The following NFIC variants were observed in gnomAD, a reference collection of about 807,000 sequenced individuals.
NFIC encodes nuclear factor I C, also known as nuclear factor 1 C-type.
Under a neutral mutation model 54.4 loss-of-function variants are expected in NFIC, and 12 were observed. That is an observed-to-expected ratio of 0.22 (90% confidence interval 0.14 to 0.36). NFIC has a LOEUF of 0.36. Among genes scored for constraint, NFIC ranks in the 10% least tolerant of loss-of-function variants. The pLI is 1.00. For synonymous variants in NFIC, 322 were observed against 319.2 expected, an observed-to-expected ratio of 1.01 and a Z score of -0.09; for missense variants, 575 against 718.2, an observed-to-expected ratio of 0.80 and a Z score of 2.28.
chr19:3,408,651 TC>T (rs2081696786), intron 2 of NFIC, among the ~76,000 whole-genome samples: 1 of 152,122 alleles, frequency 6.6e-6, no homozygotes, highest in African/African-American at 2.4e-5. Context: ...AGACGGAGTC[TC>T]ACTCTGTCGC....
At chr19:3,366,179 G>A (rs1190795550), upstream of NFIC, among the ~76,000 whole-genome samples, 1 of 151,760 alleles carries the variant, frequency 6.6e-6, no homozygotes, top group Non-Finnish European at 1.5e-5. Flanking sequence ...GATCCGAATT[G>A]GGGTCGCCCT....
rs922384936 is a variant in NFIC, at chr19:3,463,548, G to C, written c.*779G>C. 2 of 984,722 alleles carry C rather than the reference G, an allele frequency of 2.0e-6. No homozygotes were observed. The highest frequency in any genetic ancestry group is 6.2e-5 in the Admixed American group (1 of 16,226). The allele number at this position is 984,722 out of a possible 1,614,324, so 61.0% of individuals were successfully genotyped here. ...CTCCCAAAGCGCCGGCCGACTCGCT[G>C]TCTCGCTGGGGACTCTTTCAGCCCT... On this transcript the variant is annotated 3_prime_UTR_variant, in exon 11 of 11. Transcript: ENST00000443272.
At chr19:3,359,789 C>T (rs2080786351) in intron 1 of NFIC, 25 of 1,218,386 alleles carry the variant, frequency 2.1e-5, no homozygotes, top group Non-Finnish European at 2.4e-5. Context: ...GGGCGGGGGC[C>T]GCCCGGAGGA....
chr19:3,430,535 C>T (rs1015121402), intron 3 of NFIC, among the ~76,000 whole-genome samples: 6 of 151,940 alleles, frequency 3.9e-5, no homozygotes, highest in African/African-American at 1.5e-4. Flanking sequence ...AATTCCAGAA[C>T]ATTTCATCCC....
intron 6 of NFIC, among the ~76,000 whole-genome samples, chr19:3,437,150 G>A (rs995096964): frequency 2.0e-5 from 3 of 151,982 alleles, no homozygotes; most frequent in African/African-American, 7.2e-5. Flanking sequence ...GGCGGATCAC[G>A]AGGTCAGGAG....
Position 3,375,555 on chromosome 19 carries a change from T to G in NFIC, c.31-6157T>G, listed in dbSNP as rs1417727361. On this transcript the variant is annotated intron_variant, in intron 1 of 10. Coordinates refer to ENST00000443272, the MANE Select transcript of NFIC (RefSeq NM_001245002.2). The surrounding 1 kb of genome is among the most constrained non-coding windows in gnomAD (Gnocchi z 4.6). ...CCACCTCCCCTTTGCCTTAGCAGGT[T>G]GGCTGGGGAAGCGGGGGCAGCGGAA... Among the ~76,000 whole-genome samples, 1 of 152,192 alleles carries G rather than the reference T, an allele frequency of 6.6e-6. No homozygotes were observed. Among genetic ancestry groups the G allele is most frequent in the African/African-American group, 2.4e-5 (1 of 41,460 alleles).
At chr19:3,361,929 G>A (rs913842575), upstream of NFIC, among the ~76,000 whole-genome samples, 1 of 152,074 alleles carries the variant, frequency 6.6e-6, no homozygotes, top group Admixed American at 6.6e-5. Flanking sequence ...GACTCACATA[G>A]ACACACACAG....
At chr19:3,379,669 CTTTCTTTTTT>C (rs1360030156) in intron 1 of NFIC, among the ~76,000 whole-genome samples, 6 of 99,528 alleles carry the variant, frequency 6.0e-5, no homozygotes, top group African/African-American at 2.2e-4. Flanking sequence ...TTTTTTATTT[CTTTCTTTTTT>C]TTTTTTTTTT....
At chr19:3,418,754 A>T (rs966066721) in intron 2 of NFIC, among the ~76,000 whole-genome samples, 3 of 152,196 alleles carry the variant, frequency 2.0e-5, no homozygotes, top group South Asian at 2.1e-4. Flanking sequence ...CAGGAGGCTG[A>T]GGCAGAAGAT....
intron 2 of NFIC, among the ~76,000 whole-genome samples, chr19:3,421,761 C>T (rs1270193172): frequency 1.3e-5 from 2 of 152,256 alleles, no homozygotes; most frequent in East Asian, 3.9e-4. Context: ...ATCATTCTCA[C>T]AGCAACCCTG....
chr19:3,464,119 C>G lies in NFIC; in HGVS notation c.*1350C>G. On this transcript the variant is annotated 3_prime_UTR_variant, in exon 11 of 11. Coordinates refer to ENST00000443272, the MANE Select transcript of NFIC (RefSeq NM_001245002.2). ...CCAGTGCCTTACATTCTGGAGCGAC[C>G]CCCCTCCCTGGTGCCTCCCAGCGAA... is the stretch of plus-strand genomic sequence containing the variant. 6.1e-6 allele frequency: 6 copies of G among 985,340 alleles called. No individual in the cohort carries two copies. Among genetic ancestry groups the G allele is most frequent in the Non-Finnish European group, 7.2e-6 (6 of 829,902 alleles). 61.0% of individuals were successfully genotyped at this position (985,340 alleles called of 1,614,324 possible).
At chr19:3,437,640 AAAAAAAAAG>A (rs997904730) in intron 6 of NFIC, among the ~76,000 whole-genome samples, 2 of 147,298 alleles carry the variant, frequency 1.4e-5, no homozygotes, top group Non-Finnish European at 3.0e-5. Flanking sequence ...TGTCTCAAAA[AAAAAAAAAG>A]AAAAAAAAAG....
At chr19:3,381,252 G>A (rs1457825946) in intron 1 of NFIC, among the ~76,000 whole-genome samples, 1 of 151,996 alleles carries the variant, frequency 6.6e-6, no homozygotes, top group Non-Finnish European at 1.5e-5. Context: ...AAAATTAGCT[G>A]GGCGTGGTGG....
intron 6 of NFIC, among the ~76,000 whole-genome samples, chr19:3,444,701 C>T (rs954739293): frequency 3.9e-5 from 6 of 152,204 alleles, no homozygotes; most frequent in African/African-American, 1.4e-4. Flanking sequence ...CTATTTCCAT[C>T]CAGGACAAGC....
chr19:3,396,539 T>C (rs533978129), intron 2 of NFIC, among the ~76,000 whole-genome samples: 11 of 151,202 alleles, frequency 7.3e-5, no homozygotes, highest in African/African-American at 2.4e-4. Context: ...ACACCCTCAC[T>C]GGGTCTGGAT....
In NFIC at chr19:3,463,511, C is replaced by G. The variant is rs1163127975; in HGVS notation, c.*742C>G. The G allele has an allele frequency of 1.0e-6, 1 of 985,060 alleles. No individual in the cohort carries two copies. Among genetic ancestry groups the G allele is most frequent in the African/African-American group, 1.7e-5 (1 of 57,152 alleles). 61.0% of individuals were successfully genotyped at this position (985,060 alleles called of 1,614,324 possible). A position where few individuals can be genotyped will look rare whatever the true frequency, so the allele number is the denominator to read the frequency against. ...GGGGGCCCTGCCTGCCGCGGGGCCT[C>G]CCCACAAGCCCCTCCCAAAGCGCCG... On this transcript the variant is annotated 3_prime_UTR_variant, in exon 11 of 11. Coordinates refer to ENST00000443272, the MANE Select transcript of NFIC (RefSeq NM_001245002.2).
intron 6 of NFIC, 35 bp downstream of exon 6, chr19:3,435,242 G>T (rs757834011): frequency 3.3e-6 from 5 of 1,532,872 alleles, no homozygotes; most frequent in Admixed American, 2.0e-5. Context: ...CCGGCCTTCC[G>T]GTCTGAGTCA....
At position 3,443,169 on chromosome 19, in the gene NFIC, C is replaced by T. The variant is rs371275602; in HGVS notation, c.959-5845C>T. Among the ~76,000 whole-genome samples the T allele has an allele frequency of 8.9e-4, 136 of 152,310 alleles. 1 individual carries two copies. The highest frequency in any genetic ancestry group is 3.2e-3 in the African/African-American group (132 of 41,572). On this transcript the variant is annotated intron_variant, in intron 6 of 10. Coordinates refer to ENST00000443272, the MANE Select transcript of NFIC (RefSeq NM_001245002.2). ...AAAATTGAGGCTGAGTGTGGTGGCT[C>T]ACACCTGTAATCCCAGCACTTTGGG...
rs2145421221 is a variant in NFIC at position 3,366,777 on chromosome 19, A to G, written c.30+111A>G. 1.4e-5 allele frequency: 10 copies of G among 731,018 alleles called. No individual in the cohort carries two copies. The South Asian group carries it at 2.4e-4, about 17-fold the overall frequency. The allele number at this position is 731,018 out of a possible 1,614,324, so 45.3% of individuals were successfully genotyped here. A position where few individuals can be genotyped will look rare whatever the true frequency, so the allele number is the denominator to read the frequency against. ...GAAAAAGGCGCGCGTCCCTCCCGCC[A>G]TCCCTGCCCGGGATGCCCCCCGCGC... On this transcript the variant is annotated intron_variant, in intron 1 of 10. Transcript: ENST00000443272.
Sources: allele counts gnomAD v4.1 joint callset (sites outside exome capture counted in the v4.1 genomes callset), GRCh38; gene constraint gnomAD v4.1.1; non-coding constraint Gnocchi (gnomAD v3.1); transcripts MANE v1.5; gene names NCBI Gene and HGNC (gene_info 2026-07-23, HGNC 2026-07-21).